Variants in FRY observed in about 807,000 individuals in gnomAD.
The protein encoded by FRY is FRY microtubule binding protein.
Under a neutral mutation model 348.4 loss-of-function variants are expected in FRY, and 128 were observed. The observed-to-expected ratio is 0.37, with a 90% CI of 0.32 to 0.43. The LOEUF (loss-of-function observed/expected upper bound fraction) is 0.43, where lower values mean the gene tolerates loss of function less well. Ranked by LOEUF, FRY falls within the 20% of genes least tolerant of loss-of-function variation. FRY has a pLI of 1.00. For missense variants in FRY, 2,736 were observed against 3,695.2 expected (o/e 0.74, Z 6.73); for synonymous variants, 1,370 against 1,374.7 (o/e 1.00, Z 0.08).
Position 32,285,573 on chromosome 13 carries a change from C to T in FRY, c.8470-4060C>T, listed in dbSNP as rs548545252. ...AAAAGTTTCCTCTGCCTTTATTGAA[C>T]AGAAAAGATTTTACTTGAACTGATT... On this transcript the variant is annotated intron_variant, in intron 58 of 60. Transcript: ENST00000542859. Among the ~76,000 whole-genome samples, 13 of 152,294 alleles carry T rather than the reference C, an allele frequency of 8.5e-5. 1 individual carries two copies. The highest frequency in any genetic ancestry group is 1.6e-4 in the Non-Finnish European group (11 of 68,014).
chr13:32,118,272 ATT>A (rs1195503537), intron 4 of FRY, among the ~76,000 whole-genome samples: 1 of 152,210 alleles, frequency 6.6e-6, no homozygotes, highest in Non-Finnish European at 1.5e-5. Flanking sequence ...AAGTAGTTAG[ATT>A]TCTCCACATG....
At chr13:32,251,248 C>G (rs73444621) in intron 49 of FRY, among the ~76,000 whole-genome samples, 1 of 152,088 alleles carries the variant, frequency 6.6e-6, no homozygotes, top group African/African-American at 2.4e-5. Flanking sequence ...TCCCTATGGT[C>G]AAGGGGCTGG....
At chr13:32,273,575 G>A (rs939571969) in intron 55 of FRY, among the ~76,000 whole-genome samples, 2 of 152,180 alleles carry the variant, frequency 1.3e-5, no homozygotes, top group African/African-American at 4.8e-5. Flanking sequence ...AATGAGTGAT[G>A]TACATTAAGC....
chr13:32,238,321 A>T (rs567849785), intron 44 of FRY, among the ~76,000 whole-genome samples: 1 of 151,998 alleles, frequency 6.6e-6, no homozygotes, highest in South Asian at 2.1e-4. Flanking sequence ...TTAACTCCTA[A>T]ATCTTTTATT....
intron 2 of FRY, among the ~76,000 whole-genome samples, chr13:32,098,679 CCT>C (rs1427560476): frequency 1.3e-5 from 2 of 151,914 alleles, no homozygotes; most frequent in African/African-American, 4.8e-5. Flanking sequence ...CCACATTTCC[CCT>C]CTCAGACTCG....
At chr13:32,276,312 G>C (rs1309432819) in intron 56 of FRY, 152 bp from the exon 57 acceptor site, 7 of 656,626 alleles carry the variant, frequency 1.1e-5, no homozygotes, top group Non-Finnish European at 1.7e-5. Context: ...GCAGCTGATA[G>C]TTGAGCAAAA....
intron 1 of FRY, among the ~76,000 whole-genome samples, chr13:32,065,993 GAT>G (rs768541390): frequency 1.5e-4 from 23 of 152,230 alleles, no homozygotes; most frequent in Non-Finnish European, 2.6e-4. Flanking sequence ...AGGAAATATA[GAT>G]ATTTTCTCAT....
At position 32,228,478 on chromosome 13, in the gene FRY, G is replaced by C; in HGVS notation, c.5229G>C (p.Glu1743Asp). ...CAGGTGGCTTTGACTTCCTGAGAGA[G>C]GACCAGTCATCCCCGGTGCCTGACT... ...LYTGGFDFLR[E>D]DQSSPVPDSG... The change falls in exon 40 of 61, where the codon GAG becomes GAC. Residue 1743 changes from glutamate (E) to aspartate (D), a missense_variant. Coordinates refer to ENST00000542859, the MANE Select transcript of FRY (RefSeq NM_023037.3). 6.2e-7 allele frequency: 1 copy of C among 1,612,518 alleles called. No individual in the cohort carries two copies. The highest frequency in any genetic ancestry group is 8.5e-7 in the Non-Finnish European group (1 of 1,179,780).
chr13:32,146,908 G>T (rs1395519516), intron 11 of FRY, among the ~76,000 whole-genome samples: 1 of 152,132 alleles, frequency 6.6e-6, no homozygotes, highest in Non-Finnish European at 1.5e-5. Flanking sequence ...AATCAAAACA[G>T]TAAGGATTTA....
intron 44 of FRY, among the ~76,000 whole-genome samples, chr13:32,238,970 A>G (rs1332885619): frequency 6.6e-6 from 1 of 152,170 alleles, no homozygotes; most frequent in Non-Finnish European, 1.5e-5. Flanking sequence ...GCTCAGTTCA[A>G]TCTGCGCCAA....
At chr13:32,139,756 G>A (rs1437733142) in intron 11 of FRY, among the ~76,000 whole-genome samples, 2 of 152,106 alleles carry the variant, frequency 1.3e-5, no homozygotes, top group Admixed American at 1.3e-4. Context: ...GGTCCGTGGT[G>A]ACCAATACTT....
At chr13:32,106,312 GT>G (rs2138650719) in intron 3 of FRY, among the ~76,000 whole-genome samples, 1 of 151,788 alleles carries the variant, frequency 6.6e-6, no homozygotes, top group South Asian at 2.1e-4. Flanking sequence ...AGCCAAGACT[GT>G]AATTTATTGT....
chr13:32,210,813 T>C (rs1884640390), intron 33 of FRY, 53 bp from the exon 34 acceptor site: 3 of 1,448,160 alleles, frequency 2.1e-6, no homozygotes, highest in Non-Finnish European at 2.9e-6. Context: ...GGCCTAGTGT[T>C]CCTGTGGACT....
chr13:32,049,583 C>T (rs1354083956), intron 1 of FRY, among the ~76,000 whole-genome samples: 1 of 152,058 alleles, frequency 6.6e-6, no homozygotes, highest in East Asian at 1.9e-4. Context: ...TACAGGCGCT[C>T]GCCACCACAC....
At chr13:32,129,811 G>A (rs1879236712) in intron 7 of FRY, among the ~76,000 whole-genome samples, 1 of 152,108 alleles carries the variant, frequency 6.6e-6, no homozygotes, top group African/African-American at 2.4e-5. Context: ...TTATAAAATG[G>A]ACACCATGTT....
Position 32,054,773 on chromosome 13 carries a change from G to A in FRY, c.70+22908G>A, listed in dbSNP as rs957905249. 2.0e-5 allele frequency among the ~76,000 whole-genome samples: 3 copies of A among 152,200 alleles called. No homozygotes were observed. In the East Asian group the frequency reaches 5.8e-4, roughly 29 times the overall value. On this transcript the variant is annotated intron_variant, in intron 1 of 60. Transcript: ENST00000542859. Reference sequence around the variant, plus strand: ...ACCTGTAATCCCAGCTACTCGGGAGGCTGAGGCAGGAGAATGGCATGAACC... The same window carrying A: ...ACCTGTAATCCCAGCTACTCGGGAGACTGAGGCAGGAGAATGGCATGAACC...
At chr13:32,277,888 C>T (rs1566190502) in intron 57 of FRY, among the ~76,000 whole-genome samples, 1 of 152,184 alleles carries the variant, frequency 6.6e-6, no homozygotes. Flanking sequence ...ACTTCAGTTC[C>T]TCAGTGCTCA....
intron 3 of FRY, among the ~76,000 whole-genome samples, chr13:32,109,153 A>C (rs970596114): frequency 1.3e-5 from 2 of 151,816 alleles, no homozygotes; most frequent in African/African-American, 4.8e-5. Flanking sequence ...AAATTATATA[A>C]AAAGGATAAA....
chr13:32,176,587 T>A (rs1252633635), intron 20 of FRY, among the ~76,000 whole-genome samples: 1 of 152,196 alleles, frequency 6.6e-6, no homozygotes, highest in Non-Finnish European at 1.5e-5. Context: ...AGTGAAATAG[T>A]CCTACTTCTT....
Sources: allele counts gnomAD v4.1 joint callset (sites outside exome capture counted in the v4.1 genomes callset), GRCh38; gene constraint gnomAD v4.1.1; transcripts MANE v1.5; gene names NCBI Gene and HGNC (gene_info 2026-07-23, HGNC 2026-07-21).